MICAL3: variants seen among roughly 807,000 people sequenced by gnomAD.
The protein encoded by MICAL3 is [F-actin]-monooxygenase MICAL3.
A neutral mutation model predicts 207.4 loss-of-function variants in MICAL3; 62 were observed. The observed-to-expected ratio is 0.30, with a 90% CI of 0.24 to 0.37. The LOEUF is 0.37. Among genes scored for constraint, MICAL3 ranks in the 10% least tolerant of loss-of-function variants. The pLI, the probability that MICAL3 is intolerant of heterozygous loss-of-function variation, is 1.00. For synonymous variants in MICAL3, 1,077 were observed against 1,069.3 expected, an observed-to-expected ratio of 1.01 and a Z score of -0.14; for missense variants, 2,368 against 2,635.6, an observed-to-expected ratio of 0.90 and a Z score of 2.22.
chr22:17,942,599 T>A (rs560726050), intron 1 of MICAL3, among the ~76,000 whole-genome samples: 1 of 152,226 alleles, frequency 6.6e-6, no homozygotes, highest in South Asian at 2.1e-4. Flanking sequence ...CGCCAGCAGA[T>A]CCCTGATGAA....
chr22:17,798,878 T>A (rs1158107949), intron 29 of MICAL3, among the ~76,000 whole-genome samples: 1 of 151,798 alleles, frequency 6.6e-6, no homozygotes, highest in Non-Finnish European at 1.5e-5. Context: ...TTTCACCATG[T>A]TAGCCAGGAT....
intron 22 of MICAL3, 144 bp downstream of exon 22, chr22:17,827,500 G>C: frequency 1.3e-6 from 1 of 786,738 alleles, no homozygotes; most frequent in Non-Finnish European, 1.9e-6. Context: ...TGTCACAACT[G>C]ACAGCAGCAA....
rs2061817155 is a variant in MICAL3, at chr22:17,790,897, C to T, written c.5844G>A (p.Glu1948=). 1 of 1,613,846 alleles carries T rather than the reference C, an allele frequency of 6.2e-7. No homozygotes were observed. Among genetic ancestry groups the T allele is most frequent in the Non-Finnish European group, 8.5e-7 (1 of 1,179,898 alleles). The change falls in exon 32 of 32, where the codon GAG becomes GAA. Residue 1948 remains glutamate (E), a synonymous_variant. Coordinates refer to ENST00000441493, the MANE Select transcript of MICAL3 (RefSeq NM_015241.3). ...MAVEDHLKTE[E]ELSEEKQILN... ...GAATCTGCTTCTCTTCTGACAGCTC[C>T]TCCTCAGTCTTAAGGTGATCTTGAA...
chr22:17,861,549 C>T, intron 19 of MICAL3: 2 of 985,404 alleles, frequency 2.0e-6, no homozygotes, highest in Non-Finnish European at 1.2e-6. Flanking sequence ...TGGACAAAAA[C>T]GAATTCAAGA....
chr22:18,018,117 G>A (rs1350538027), intron 1 of MICAL3, among the ~76,000 whole-genome samples: 2 of 149,220 alleles, frequency 1.3e-5, no homozygotes, highest in African/African-American at 5.0e-5. Flanking sequence ...CTCGTGATCC[G>A]CCTGCCTCGG....
At chr22:17,934,945 A>G (rs1372674115) in intron 1 of MICAL3, among the ~76,000 whole-genome samples, 3 of 152,230 alleles carry the variant, frequency 2.0e-5, no homozygotes, top group African/African-American at 4.8e-5. Context: ...ACCACTGCTC[A>G]ATGAAATAAA....
At chr22:17,885,822 C>T (rs1339285482) in intron 16 of MICAL3, 56 bp downstream of exon 16, 3 of 1,554,504 alleles carry the variant, frequency 1.9e-6, no homozygotes, top group African/African-American at 1.4e-5. Context: ...GAAAAGATCC[C>T]CCCTTCTTGT....
chr22:17,864,837 G>A (rs769702528), intron 19 of MICAL3, 62 bp downstream of exon 19: 2 of 1,613,866 alleles, frequency 1.2e-6, no homozygotes, highest in Non-Finnish European at 1.7e-6. Context: ...TCATGCCCTT[G>A]GCCTTGTCAC....
intron 1 of MICAL3, among the ~76,000 whole-genome samples, chr22:18,012,814 T>C (rs1197016723): frequency 6.6e-6 from 1 of 152,176 alleles, no homozygotes; most frequent in Non-Finnish European, 1.5e-5. Context: ...AAACCAAGCA[T>C]TTATGGAGCC....
In MICAL3 at chr22:17,904,857, T is replaced by A. The variant is rs374094922; in HGVS notation, c.265-18A>T. 1.3e-4 allele frequency: 208 copies of A among 1,584,004 alleles called. No homozygotes were observed. Among genetic ancestry groups the A allele is most frequent in the Middle Eastern group, 6.7e-4 (4 of 6,004 alleles). Reference sequence around the variant, plus strand: ...ATGAGACACTGAAAAACACAGCTGCTTTCAGGGCAGGCGGCACTTCCAACA... The same window carrying A: ...ATGAGACACTGAAAAACACAGCTGCATTCAGGGCAGGCGGCACTTCCAACA... On this transcript the variant is annotated intron_variant, in intron 2 of 31. Coordinates refer to ENST00000441493, the MANE Select transcript of MICAL3 (RefSeq NM_015241.3).
At position 17,903,596 on chromosome 22, in the gene MICAL3, C is replaced by T. The variant is rs533701882; in HGVS notation, c.473-849G>A. ...TCCTCACGTCATCTTGGTTGTTCTC[C>T]CCAGTTTACCACAGCCACCACCCTT... On this transcript the variant is annotated intron_variant, in intron 3 of 31. Transcript: ENST00000441493. Among the ~76,000 whole-genome samples the T allele has an allele frequency of 4.6e-5, 7 of 152,306 alleles. No individual in the cohort carries two copies. The South Asian group carries it at 1.2e-3, about 27-fold the overall frequency.
At chr22:17,820,936 A>G (rs1034932039) in intron 25 of MICAL3, among the ~76,000 whole-genome samples, 1 of 141,984 alleles carries the variant, frequency 7.0e-6, no homozygotes, top group Non-Finnish European at 1.5e-5. Flanking sequence ...ATTTTAATAA[A>G]TTTATGTTTA....
At chr22:17,830,439 C>T (rs868487315) in intron 21 of MICAL3, among the ~76,000 whole-genome samples, 7 of 152,220 alleles carry the variant, frequency 4.6e-5, no homozygotes, top group Admixed American at 3.3e-4. Flanking sequence ...AAGGAAAGCT[C>T]GGCTCAACTC....
intron 1 of MICAL3, among the ~76,000 whole-genome samples, chr22:18,010,778 T>C (rs1356579569): frequency 6.6e-6 from 1 of 152,090 alleles, no homozygotes; most frequent in East Asian, 1.9e-4. Context: ...TACTAACATG[T>C]TCATAGCCAG....
At chr22:17,810,177 C>T (rs925767258) in intron 28 of MICAL3, among the ~76,000 whole-genome samples, 12 of 151,910 alleles carry the variant, frequency 7.9e-5, no homozygotes, top group African/African-American at 2.2e-4. Context: ...ATTCTCCTGC[C>T]TCAGCCACCC....
chr22:18,003,897 G>A (rs768993227), intron 1 of MICAL3, among the ~76,000 whole-genome samples: 1 of 151,994 alleles, frequency 6.6e-6, no homozygotes, highest in Non-Finnish European at 1.5e-5. Flanking sequence ...AGCCTCCCAA[G>A]TAGCTGGGAC....
At chr22:17,826,580 C>G (rs1310687299) in intron 22 of MICAL3, 2 of 833,068 alleles carry the variant, frequency 2.4e-6, no homozygotes, top group Admixed American at 6.5e-5. Context: ...ACGAGGAGAG[C>G]CAAGGTCATC....
intron 28 of MICAL3, among the ~76,000 whole-genome samples, chr22:17,809,158 C>T (rs955692870): frequency 2.0e-5 from 3 of 152,226 alleles, no homozygotes; most frequent in Admixed American, 6.5e-5. Context: ...AGCATCAAAG[C>T]GCGTGGACGT....
At chr22:17,899,578 A>G (rs1276554412) in intron 6 of MICAL3, 30 bp from the exon 7 acceptor site, 1 of 1,445,796 alleles carries the variant, frequency 6.9e-7, no homozygotes, top group Admixed American at 1.9e-5. Flanking sequence ...GTGTGCATGT[A>G]AGTTTGCTGA....
Sources: gnomAD v4.1 joint callset for allele counts (sites outside exome capture counted in the v4.1 genomes callset) on GRCh38, gnomAD v4.1.1 for gene constraint, MANE v1.5 for transcripts, NCBI Gene and HGNC (gene_info 2026-07-23, HGNC 2026-07-21) for gene names.